The following XNDC1N variants were observed in gnomAD, a reference collection of about 807,000 sequenced individuals.
The protein encoded by XNDC1N is protein XNDC1N.
At chr11:71,916,890 G>A in the XNDC1N span, 1 of 155,840 alleles carries the variant, frequency 6.4e-6, no homozygotes, top group Non-Finnish European at 1.4e-5. Flanking sequence ...AGTGAACAGA[G>A]ATTTGTATAA....
the XNDC1N span, among the ~76,000 whole-genome samples, chr11:71,880,671 C>T: frequency 3.3e-5 from 5 of 152,094 alleles, no homozygotes; most frequent in African/African-American, 1.2e-4. Context: ...TCTCTTAGCA[C>T]TGTCTTTGTT....
chr11:71,892,329 G>A, the XNDC1N span, among the ~76,000 whole-genome samples: 1 of 152,086 alleles, frequency 6.6e-6, no homozygotes, highest in Admixed American at 6.5e-5. Context: ...AGATCACAGG[G>A]TGTACCAACA....
chr11:71,923,483 A>G, the XNDC1N span: 2 of 638,844 alleles, frequency 3.1e-6, no homozygotes, highest in Non-Finnish European at 5.6e-6. Context: ...CTCCTGAAAA[A>G]GAGAACAGAA....
the XNDC1N span, among the ~76,000 whole-genome samples, chr11:71,902,686 C>T: frequency 0.068 from 10,360 of 152,044 alleles, 77 homozygotes; most frequent in African/African-American, 0.15. Flanking sequence ...CTATCAACTT[C>T]CATTTCATTT....
the XNDC1N span, among the ~76,000 whole-genome samples, chr11:71,902,397 T>C: frequency 1.3e-5 from 2 of 152,204 alleles, no homozygotes; most frequent in Admixed American, 1.3e-4. Flanking sequence ...TACACCATGT[T>C]GGCCAGGATG....
the XNDC1N span, among the ~76,000 whole-genome samples, chr11:71,926,586 C>T: frequency 2.0e-5 from 3 of 152,120 alleles, no homozygotes; most frequent in Admixed American, 2.0e-4. Context: ...AAGTAGATCC[C>T]TACCTCACAA....
At chr11:71,911,755 T>C in the XNDC1N span, among the ~76,000 whole-genome samples, 1 of 152,142 alleles carries the variant, frequency 6.6e-6, no homozygotes, top group Non-Finnish European at 1.5e-5. Context: ...AGAAACAGTA[T>C]GGAAACCCCA....
chr11:71,895,328 A>C, the XNDC1N span, among the ~76,000 whole-genome samples: 1 of 150,878 alleles, frequency 6.6e-6, no homozygotes, highest in African/African-American at 2.4e-5. Context: ...TTTTTTTTTG[A>C]GTCAGAGTTT....
At chr11:71,918,881 T>A in the XNDC1N span, 1 of 702,404 alleles carries the variant, frequency 1.4e-6, no homozygotes, top group East Asian at 2.7e-5. Flanking sequence ...CACAGAGAAC[T>A]CACCCACATC....
the XNDC1N span, among the ~76,000 whole-genome samples, chr11:71,906,729 C>T: frequency 6.6e-6 from 1 of 152,124 alleles, no homozygotes; most frequent in Admixed American, 6.5e-5. Context: ...TAGAAGATTA[C>T]ACGTAATATC....
At chr11:71,903,165 G>T in the XNDC1N span, 3 of 686,508 alleles carry the variant, frequency 4.4e-6, no homozygotes, top group East Asian at 8.3e-5. Flanking sequence ...TCTTTTCCAG[G>T]CAAAAGAGGG....
At chr11:71,877,427 C>T in the XNDC1N span, among the ~76,000 whole-genome samples, 1 of 152,214 alleles carries the variant, frequency 6.6e-6, no homozygotes, top group Admixed American at 6.5e-5. Context: ...CACTTGAGGC[C>T]AGGAGTTCGA....
the XNDC1N span, among the ~76,000 whole-genome samples, chr11:71,881,252 A>C: frequency 6.6e-6 from 1 of 152,156 alleles, no homozygotes; most frequent in Non-Finnish European, 1.5e-5. Flanking sequence ...TGGCCCTTTT[A>C]TCATTATATG....
the XNDC1N span, chr11:71,878,651 A>T: frequency 4.7e-6 from 4 of 850,936 alleles, no homozygotes; most frequent in Non-Finnish European, 7.1e-6. Context: ...TGAAGAGTTG[A>T]TACTAAAGAA....
At chr11:71,919,951 T>C in the XNDC1N span, among the ~76,000 whole-genome samples, 1 of 92,930 alleles carries the variant, frequency 1.1e-5, no homozygotes, top group Non-Finnish European at 2.1e-5. Context: ...TTTTTTTTTT[T>C]TTTTTTTTTT....
At chr11:71,878,617 T>C in the XNDC1N span, 1 of 1,135,136 alleles carries the variant, frequency 8.8e-7, no homozygotes, top group Non-Finnish European at 1.3e-6. Context: ...GATTTTACTG[T>C]ACCATGAAGG....
the XNDC1N span, among the ~76,000 whole-genome samples, chr11:71,921,104 G>A: frequency 6.7e-4 from 102 of 152,182 alleles, no homozygotes; most frequent in African/African-American, 2.3e-3. Context: ...TGATCCCCCT[G>A]CCTCTGCCTC....
chr11:71,926,304 G>T, the XNDC1N span, among the ~76,000 whole-genome samples: 1 of 151,964 alleles, frequency 6.6e-6, no homozygotes, highest in Admixed American at 6.6e-5. Context: ...AAACACTCTT[G>T]GTTTGGCAAT....
At chr11:71,866,762 TAA>T in the XNDC1N span, among the ~76,000 whole-genome samples, 19 of 141,226 alleles carry the variant, frequency 1.3e-4, no homozygotes, top group Admixed American at 2.8e-4. Context: ...AGACTCCATC[TAA>T]AAAAAAAAAA....
Sources: allele counts gnomAD v4.1 joint callset (sites outside exome capture counted in the v4.1 genomes callset), GRCh38; gene constraint gnomAD v4.1.1; transcripts MANE v1.5; gene names NCBI Gene and HGNC (gene_info 2026-07-23, HGNC 2026-07-21).